The following AOPEP variants were observed in gnomAD, a reference collection of about 807,000 sequenced individuals.
The protein encoded by AOPEP is aminopeptidase O (putative).
AOPEP carries 77 observed loss-of-function variants against 98.1 expected under a neutral mutation model. The observed-to-expected ratio is 0.78, with a 90% confidence interval of 0.65 to 0.95. AOPEP has a LOEUF of 0.95. Among genes scored for constraint, AOPEP ranks in the 40% least tolerant of loss-of-function variants. The pLI, the probability that AOPEP is intolerant of heterozygous loss-of-function variation, is 0.00. For missense variants in AOPEP, 1,024 were observed against 1,024.7 expected (o/e 1.00, Z 0.01); for synonymous variants, 346 against 365.3 (o/e 0.95, Z 0.60).
At chr9:95,036,706 T>TTTTTTTTC (rs1374990833) in intron 13 of AOPEP, among the ~76,000 whole-genome samples, 4 of 150,640 alleles carry the variant, frequency 2.7e-5, no homozygotes, top group Non-Finnish European at 4.4e-5. Flanking sequence ...CTTCTTCTTT[T>TTTTTTTTC]TTTTTTGTGG....
chr9:94,777,860 G>A (rs1028936456), intron 3 of AOPEP, among the ~76,000 whole-genome samples: 1 of 151,928 alleles, frequency 6.6e-6, no homozygotes, highest in Non-Finnish European at 1.5e-5. Flanking sequence ...CTGACCTTCA[G>A]TGATCCACCT....
At chr9:95,123,645 G>T in the AOPEP span, 1 of 620,016 alleles carries the variant, frequency 1.6e-6, no homozygotes, top group African/African-American at 1.8e-5. Flanking sequence ...TTCATCATTG[G>T]AAACACAGTG....
chr9:94,955,015 T>C (rs1375652878), intron 7 of AOPEP, among the ~76,000 whole-genome samples, 162 bp from the exon 8 acceptor site: 1 of 152,190 alleles, frequency 6.6e-6, no homozygotes, highest in Non-Finnish European at 1.5e-5. Context: ...ATAAATCCCG[T>C]AGACGAGTAT....
chr9:95,034,734 C>G (rs2064629689), intron 13 of AOPEP, among the ~76,000 whole-genome samples: 2 of 152,266 alleles, frequency 1.3e-5, no homozygotes, highest in East Asian at 3.9e-4. Context: ...TAATTCTGAT[C>G]AACTGACAGT....
intron 5 of AOPEP, among the ~76,000 whole-genome samples, chr9:94,864,433 A>G (rs975579604): frequency 4.6e-5 from 7 of 152,296 alleles, no homozygotes; most frequent in Non-Finnish European, 5.9e-5. Flanking sequence ...GTAAATCTCT[A>G]TGAGTTTTTT....
At chr9:94,953,612 A>G (rs1045189607) in intron 7 of AOPEP, among the ~76,000 whole-genome samples, 1 of 152,202 alleles carries the variant, frequency 6.6e-6, no homozygotes, top group Non-Finnish European at 1.5e-5. Context: ...TGAGTAAATG[A>G]AGGTTAGTAA....
chr9:95,111,191 A>G, the AOPEP span: 7 of 1,536,166 alleles, frequency 4.6e-6, no homozygotes, highest in Non-Finnish European at 6.1e-6. Flanking sequence ...CTGAGCAATA[A>G]CAGATCAAAT....
At chr9:94,834,685 C>T (rs1363467825) in intron 5 of AOPEP, among the ~76,000 whole-genome samples, 3 of 151,818 alleles carry the variant, frequency 2.0e-5, no homozygotes, top group African/African-American at 4.8e-5. Flanking sequence ...CCCAGCTACT[C>T]GGGAGGCTGA....
chr9:94,975,269 A>G (rs2059771798), intron 10 of AOPEP, among the ~76,000 whole-genome samples: 1 of 152,078 alleles, frequency 6.6e-6, no homozygotes, highest in South Asian at 2.1e-4. Context: ...TAATAATAAT[A>G]ATATTGGTCT....
At chr9:94,734,149 G>A (rs905522027) in intron 1 of AOPEP, among the ~76,000 whole-genome samples, 3 of 152,014 alleles carry the variant, frequency 2.0e-5, no homozygotes, top group African/African-American at 4.8e-5. Context: ...AGTGCTCCCC[G>A]CCGAGTTTAT....
chr9:94,858,601 T>C (rs1317994985), intron 5 of AOPEP, among the ~76,000 whole-genome samples: 1 of 152,176 alleles, frequency 6.6e-6, no homozygotes, highest in Non-Finnish European at 1.5e-5. Context: ...CGCCAACATC[T>C]TTGCTATGGA....
chr9:94,739,187 C>G (rs1031588379), intron 1 of AOPEP, among the ~76,000 whole-genome samples: 3 of 152,156 alleles, frequency 2.0e-5, no homozygotes, highest in African/African-American at 7.2e-5. Context: ...CTGTATTTCC[C>G]AAGGTTGGCT....
In AOPEP at chr9:94,754,140, C is replaced by T. The variant is rs1836461461; in HGVS notation, c.-135-5509C>T. Among the ~76,000 whole-genome samples the T allele has an allele frequency of 2.0e-5, 3 of 152,232 alleles. No individual in the cohort carries two copies. The East Asian group carries it at 5.8e-4, about 29-fold the overall frequency. On this transcript the variant is annotated intron_variant, in intron 1 of 16. Coordinates refer to ENST00000375315, the MANE Select transcript of AOPEP (RefSeq NM_001193329.3). ...TATGTCAGTGTGACATTTATAAACA[C>T]AAAACAGTATATTTGAACTTCTAAG... is the stretch of plus-strand genomic sequence containing the variant.
At chr9:94,768,627 A>C (rs1480884302) in intron 2 of AOPEP, among the ~76,000 whole-genome samples, 1 of 152,198 alleles carries the variant, frequency 6.6e-6, no homozygotes, top group African/African-American at 2.4e-5. Context: ...TCAATTTAGA[A>C]GTTCTTTAAT....
At chr9:94,842,032 G>A (rs1370177947) in intron 5 of AOPEP, among the ~76,000 whole-genome samples, 2 of 152,076 alleles carry the variant, frequency 1.3e-5, no homozygotes, top group African/African-American at 4.8e-5. Flanking sequence ...CAGCTTGGGT[G>A]ACAGAGCAAG....
chr9:95,007,608 G>A (rs2062134903), intron 13 of AOPEP, among the ~76,000 whole-genome samples: 1 of 152,190 alleles, frequency 6.6e-6, no homozygotes, highest in Non-Finnish European at 1.5e-5. Flanking sequence ...TAAAGCTGAG[G>A]AGGTTTGAGG....
intron 2 of AOPEP, among the ~76,000 whole-genome samples, chr9:94,761,850 C>T (rs867707714): frequency 6.6e-6 from 1 of 152,046 alleles, no homozygotes; most frequent in East Asian, 1.9e-4. Context: ...AAGAATGAAA[C>T]GGGTGTTCTT....
intron 5 of AOPEP, among the ~76,000 whole-genome samples, chr9:94,820,520 G>A (rs1243732734): frequency 6.6e-6 from 1 of 152,152 alleles, no homozygotes; most frequent in Admixed American, 6.5e-5. Context: ...TAGCTGCATA[G>A]TATTCTAGTC....
chr9:94,800,732 A>G (rs541357583), intron 4 of AOPEP, 25 bp from the exon 5 acceptor site: 3 of 1,611,046 alleles, frequency 1.9e-6, no homozygotes, highest in Non-Finnish European at 2.5e-6. Flanking sequence ...AACATGTTTT[A>G]CCATTTATTT....
Sources: gnomAD v4.1 joint callset for allele counts (sites outside exome capture counted in the v4.1 genomes callset) on GRCh38, gnomAD v4.1.1 for gene constraint, MANE v1.5 for transcripts, NCBI Gene and HGNC (gene_info 2026-07-23, HGNC 2026-07-21) for gene names.